COG5: variants seen among roughly 807,000 people sequenced by gnomAD.
COG5 encodes conserved oligomeric Golgi complex subunit 5.
COG5 carries 86 observed loss-of-function variants against 110.4 expected under a neutral mutation model. The observed-to-expected ratio is 0.78, with a 90% confidence interval of 0.65 to 0.93. COG5 has a LOEUF of 0.93. Ranked by LOEUF, COG5 falls within the 40% of genes least tolerant of loss-of-function variation. The pLI, the probability that COG5 is intolerant of heterozygous loss-of-function variation, is 0.00. For synonymous variants in COG5, 360 were observed against 334.6 expected (o/e 1.08, Z -0.83); for missense variants, 1,077 against 987.0 (o/e 1.09, Z -1.22).
intron 7 of COG5, among the ~76,000 whole-genome samples, chr7:107,383,436 C>A (rs1584755267): frequency 6.6e-6 from 1 of 152,176 alleles, no homozygotes; most frequent in South Asian, 2.1e-4. Context: ...GGATAAAGGC[C>A]AGGTTAATAT....
intron 7 of COG5, among the ~76,000 whole-genome samples, chr7:107,384,579 T>A (rs557236445): frequency 1.6e-3 from 245 of 152,240 alleles, no homozygotes; most frequent in African/African-American, 5.8e-3. Context: ...AGCCTAAATT[T>A]TTGTGGCCAT....
At chr7:107,291,842 A>T (rs1285255725) in intron 12 of COG5, among the ~76,000 whole-genome samples, 1 of 152,168 alleles carries the variant, frequency 6.6e-6, no homozygotes, top group Admixed American at 6.5e-5. Flanking sequence ...ACCTTCAGCT[A>T]TCTTCACTAG....
chr7:107,514,265 A>C (rs990437613), intron 6 of COG5, among the ~76,000 whole-genome samples: 9 of 151,790 alleles, frequency 5.9e-5, no homozygotes, highest in Non-Finnish European at 1.3e-4. Context: ...ATATTAAGTT[A>C]CTAACAACAG....
intron 16 of COG5, among the ~76,000 whole-genome samples, chr7:107,254,611 T>C (rs1802750442): frequency 6.6e-6 from 1 of 152,092 alleles, no homozygotes; most frequent in Admixed American, 6.6e-5. Flanking sequence ...ACAGCACTGG[T>C]CCTGGTAAGC....
At chr7:107,358,924 T>C (rs1048707898) in intron 10 of COG5, among the ~76,000 whole-genome samples, 1 of 152,152 alleles carries the variant, frequency 6.6e-6, no homozygotes, top group Non-Finnish European at 1.5e-5. Flanking sequence ...TTTTTTCCTT[T>C]TGCTGATTTT....
Position 107,226,790 on chromosome 7 carries a change from GT to G in COG5, c.2168+3824del, listed in dbSNP as rs199940873. Among the ~76,000 whole-genome samples the G allele has an allele frequency of 5.3e-3, 814 of 152,260 alleles. 4 individuals carry two copies. Among genetic ancestry groups the G allele is most frequent in the African/African-American group, 0.019 (777 of 41,538 alleles). Reference sequence around the variant, plus strand: ...CTAATCCTACGCTTTTTATAAAATAGTTGTATCAGTCCCATCAAACAACTGA... The same window carrying G: ...CTAATCCTACGCTTTTTATAAAATAGTGTATCAGTCCCATCAAACAACTGA... On this transcript the variant is annotated intron_variant, in intron 19 of 21. Coordinates refer to ENST00000297135, the MANE Select transcript of COG5 (RefSeq NM_006348.5).
At chr7:107,467,697 CAGT>C (rs562875451) in intron 6 of COG5, among the ~76,000 whole-genome samples, 107 of 152,212 alleles carry the variant, frequency 7.0e-4, no homozygotes, top group African/African-American at 2.5e-3. Flanking sequence ...GATTCTCAAT[CAGT>C]AGTTGAGATA....
At chr7:107,357,169 C>T (rs569011018) in intron 10 of COG5, among the ~76,000 whole-genome samples, 6 of 152,182 alleles carry the variant, frequency 3.9e-5, no homozygotes, top group African/African-American at 1.4e-4. Flanking sequence ...TAGTTACATC[C>T]TTAGCAAAAA....
Position 107,236,463 on chromosome 7 carries a change from G to A in COG5, c.2078C>T (p.Ala693Val), listed in dbSNP as rs751843896. 11 of 1,613,488 alleles carry A rather than the reference G, an allele frequency of 6.8e-6. No homozygotes were observed. In the South Asian group the frequency reaches 1.2e-4, roughly 18 times the overall value. The stretch of plus-strand genomic sequence containing the variant: ...TCATCAATGTACCTGTGCAAAATCA[G>A]CAGCAAGTCGCATTTTCCCACCTTC... ...LGEGGKMRLAADFAQMELAVG... is the reference protein window; with the variant it reads ...LGEGGKMRLAVDFAQMELAVG... The change falls in exon 18 of 22, where the codon GCT (alanine) becomes GTT (valine). Residue 693 changes from alanine (A) to valine (V), a missense_variant. Physicochemically the swap from Ala to Val is moderately conservative, Grantham distance 64 (BLOSUM62 0). Transcript: ENST00000297135.
intron 17 of COG5, among the ~76,000 whole-genome samples, chr7:107,243,877 A>C (rs1289654459): frequency 6.6e-6 from 1 of 152,210 alleles, no homozygotes; most frequent in Non-Finnish European, 1.5e-5. Flanking sequence ...GCTCAAAACC[A>C]TGCAATTACA....
At chr7:107,226,669 C>T (rs1294996619) in intron 19 of COG5, among the ~76,000 whole-genome samples, 1 of 152,200 alleles carries the variant, frequency 6.6e-6, no homozygotes, top group Non-Finnish European at 1.5e-5. Flanking sequence ...CTCTTCTTCT[C>T]ATCTGATAGG....
chr7:107,260,195 G>C (rs1803223211), intron 14 of COG5, among the ~76,000 whole-genome samples: 1 of 151,482 alleles, frequency 6.6e-6, no homozygotes, highest in African/African-American at 2.4e-5. Context: ...TCAACCAACT[G>C]ACAAATAAAA....
chr7:107,311,208 G>A (rs1424543210), intron 11 of COG5, among the ~76,000 whole-genome samples: 1 of 152,086 alleles, frequency 6.6e-6, no homozygotes, highest in Non-Finnish European at 1.5e-5. Context: ...CATAAGGTTT[G>A]TATGCTAATT....
At chr7:107,269,337 T>G (rs907945190) in intron 14 of COG5, among the ~76,000 whole-genome samples, 2 of 151,950 alleles carry the variant, frequency 1.3e-5, no homozygotes, top group African/African-American at 4.8e-5. Context: ...TAGCCGGGTG[T>G]GGTGGCGGAC....
intron 7 of COG5, among the ~76,000 whole-genome samples, chr7:107,386,627 T>C (rs1456517207): frequency 1.3e-5 from 2 of 152,118 alleles, no homozygotes; most frequent in Non-Finnish European, 2.9e-5. Flanking sequence ...AAACAGTATA[T>C]AAAAGTATTT....
chr7:107,424,889 A>G (rs971999708), intron 6 of COG5, among the ~76,000 whole-genome samples: 1 of 152,124 alleles, frequency 6.6e-6, no homozygotes, highest in Non-Finnish European at 1.5e-5. Flanking sequence ...AGGTCCAAGC[A>G]CTCCAAAAAA....
At chr7:107,317,272 C>T (rs886792873) in intron 11 of COG5, among the ~76,000 whole-genome samples, 2 of 152,084 alleles carry the variant, frequency 1.3e-5, no homozygotes, top group Non-Finnish European at 2.9e-5. Flanking sequence ...CTTCTATCCC[C>T]TCCCAGAACA....
intron 21 of COG5, chr7:107,209,300 T>C: frequency 1.1e-6 from 1 of 944,424 alleles, no homozygotes. Flanking sequence ...TGTAAAGGTT[T>C]TCCGGCTTGG....
At chr7:107,355,792 G>C (rs1053176096) in intron 10 of COG5, among the ~76,000 whole-genome samples, 1 of 152,218 alleles carries the variant, frequency 6.6e-6, no homozygotes, top group Non-Finnish European at 1.5e-5. Flanking sequence ...GGAATGAATA[G>C]GTAGAAAGGA....
Sources: allele counts gnomAD v4.1 joint callset (sites outside exome capture counted in the v4.1 genomes callset), GRCh38; gene constraint gnomAD v4.1.1; transcripts MANE v1.5; gene names NCBI Gene and HGNC (gene_info 2026-07-23, HGNC 2026-07-21).